Variants in FCRL2 observed in about 807,000 individuals in gnomAD.
FCRL2 encodes Fc receptor like 2, also known as Fc receptor-like protein 2.
In FCRL2, 48 loss-of-function variants were observed where a neutral mutation model predicts 59.8. The observed-to-expected ratio is 0.80, with a 90% CI of 0.64 to 1.02. The LOEUF (loss-of-function observed/expected upper bound fraction) is 1.02, where lower values mean the gene tolerates loss of function less well. Among genes scored for constraint, FCRL2 ranks in the 50% least tolerant of loss-of-function variants. FCRL2 has a pLI of 0.00. For synonymous variants in FCRL2, 251 were observed against 229.5 expected (o/e 1.09, Z -0.85); for missense variants, 658 against 597.3 (o/e 1.10, Z -1.06).
chr1:157,766,647 C>T (rs540975986), intron 7 of FCRL2: 4 of 655,612 alleles, frequency 6.1e-6, no homozygotes, highest in African/African-American at 5.5e-5. Context: ...TCTCCAGTGA[C>T]TATGCACAGG....
chr1:157,758,701 A>C (rs1648790133), intron 7 of FCRL2, among the ~76,000 whole-genome samples: 1 of 151,468 alleles, frequency 6.6e-6, no homozygotes. Context: ...AAAAAAAAAA[A>C]ACAAAGCTGG....
Position 157,777,108 on chromosome 1 carries a change from C to T in FCRL2, c.-35G>A, listed in dbSNP as rs1156289421. On this transcript the variant is annotated 5_prime_UTR_variant, in exon 1 of 12. Coordinates refer to ENST00000361516, the MANE Select transcript of FCRL2 (RefSeq NM_030764.4). ...ATCCAGCTATTTGAAAAGAGATGTA[C>T]TCTTGGTCACCAACTGGAGACTCTG... 6 of 1,614,140 alleles carry T rather than the reference C, an allele frequency of 3.7e-6. No homozygotes were observed. The East Asian group carries it at 1.3e-4, about 36-fold the overall frequency.
chr1:157,761,365 C>T (rs763781697), intron 7 of FCRL2, among the ~76,000 whole-genome samples: 1 of 152,214 alleles, frequency 6.6e-6, no homozygotes, highest in Admixed American at 6.5e-5. Context: ...CCTGTAATCT[C>T]ATCACTTTGG....
chr1:157,760,767 AAAAAAGAAAGGAAGGAAGGAAGGAG>A (rs1185639419), intron 7 of FCRL2, among the ~76,000 whole-genome samples: 1 of 146,530 alleles, frequency 6.8e-6, no homozygotes, highest in African/African-American at 2.7e-5. Flanking sequence ...AGAAAGAATG[AAAAAAGAAAGGAAGGAAGGAAGGAG>A]GGAAGGAAGG....
intron 2 of FCRL2, among the ~76,000 whole-genome samples, chr1:157,771,230 T>C (rs1450365153): frequency 1.3e-5 from 2 of 152,196 alleles, no homozygotes; most frequent in African/African-American, 4.8e-5. Context: ...TTAATGTTCA[T>C]GAAGGAGTGT....
intron 2 of FCRL2, among the ~76,000 whole-genome samples, chr1:157,775,267 G>A (rs757549652): frequency 6.6e-6 from 1 of 152,132 alleles, no homozygotes; most frequent in Non-Finnish European, 1.5e-5. Flanking sequence ...CACCTGAAAA[G>A]CTTAGCCTAT....
chr1:157,774,968 A>G (rs75876914), intron 2 of FCRL2, among the ~76,000 whole-genome samples: 2,200 of 152,214 alleles, frequency 0.014, 49 homozygotes, highest in African/African-American at 0.051. Flanking sequence ...AGAATAAAAT[A>G]TTTTTCCCAT....
At position 157,746,034 on chromosome 1, in the gene FCRL2, C is replaced by T. The variant is rs1273273079; in HGVS notation, c.*702G>A. 1 of 152,120 alleles carries T rather than the reference C, an allele frequency of 6.6e-6. No homozygotes were observed. The allele number at this position is 152,120 out of a possible 1,614,324, so 9.4% of individuals were successfully genotyped here. On this transcript the variant is annotated 3_prime_UTR_variant, in exon 12 of 12. Transcript: ENST00000361516. The stretch of plus-strand genomic sequence containing the variant: ...AACACACAATCTCCCAAGATTGAAC[C>T]AGGAAGAGACAGAAACCCCTCCTAG...
intron 10 of FCRL2, among the ~76,000 whole-genome samples, chr1:157,747,672 A>G (rs1326881621): frequency 4.6e-5 from 7 of 152,202 alleles, no homozygotes; most frequent in Admixed American, 4.6e-4. Flanking sequence ...AGAACAAAGG[A>G]CAGCTTTTAG....
In FCRL2 at chr1:157,757,468, C is replaced by T. The variant is rs116663924; in HGVS notation, c.1280-7791G>A. Among the ~76,000 whole-genome samples, 982 of 152,022 alleles carry T rather than the reference C, an allele frequency of 6.5e-3. 8 individuals carry two copies. Among genetic ancestry groups the T allele is most frequent in the African/African-American group, 0.022 (924 of 41,440 alleles). On this transcript the variant is annotated intron_variant, in intron 7 of 11. Transcript: ENST00000361516. The stretch of plus-strand genomic sequence containing the variant: ...AACCTGCACGTTCTGCACATATACC[C>T]CAGAACTTAAAGTATAATTAAAAAA...
chr1:157,758,656 C>T (rs1458532568), intron 7 of FCRL2, among the ~76,000 whole-genome samples: 5 of 130,026 alleles, frequency 3.8e-5, no homozygotes, highest in East Asian at 4.2e-4. Context: ...AAAAAAGAGC[C>T]CAAATAGCCA....
intron 5 of FCRL2, chr1:157,767,816 G>T: frequency 1.2e-6 from 1 of 841,106 alleles, no homozygotes; most frequent in Non-Finnish European, 1.7e-6. Context: ...TTTTTTATTA[G>T]GAAATAATTT....
intron 7 of FCRL2, among the ~76,000 whole-genome samples, chr1:157,754,450 A>T (rs571771990): frequency 1.4e-4 from 22 of 152,300 alleles, no homozygotes; most frequent in Non-Finnish European, 2.4e-4. Flanking sequence ...AACCATAAAA[A>T]TGGGCAACAA....
chr1:157,776,153 G>T (rs1282886586), intron 1 of FCRL2, among the ~76,000 whole-genome samples: 2 of 152,114 alleles, frequency 1.3e-5, no homozygotes, highest in Non-Finnish European at 2.9e-5. Flanking sequence ...ATCACAAAGG[G>T]CTCATCAGGA....
chr1:157,768,764 G>C, intron 4 of FCRL2, 63 bp from the exon 5 acceptor site: 1 of 1,458,068 alleles, frequency 6.9e-7, no homozygotes, highest in Non-Finnish European at 9.2e-7. Context: ...GGGTTTGACT[G>C]ATTCCATTCT....
At chr1:157,771,849 G>A (rs1650045245) in intron 2 of FCRL2, among the ~76,000 whole-genome samples, 1 of 152,048 alleles carries the variant, frequency 6.6e-6, no homozygotes, top group Non-Finnish European at 1.5e-5. Flanking sequence ...GTAGAAGGAA[G>A]CAGAAGTCAA....
chr1:157,757,437 G>A lies in FCRL2; in HGVS notation c.1280-7760C>T, dbSNP rs1211213927. 2.0e-5 allele frequency among the ~76,000 whole-genome samples: 3 copies of A among 152,086 alleles called. No homozygotes were observed. In the East Asian group the frequency reaches 5.8e-4, roughly 29 times the overall value. ...ACAACCATGGCACGTGTATAGGTAT[G>A]TAACAAACCTGCACGTTCTGCACAT... On this transcript the variant is annotated intron_variant, in intron 7 of 11. Transcript: ENST00000361516.
At chr1:157,767,019 C>A in intron 6 of FCRL2, 48 bp from the exon 7 acceptor site, 1 of 1,530,326 alleles carries the variant, frequency 6.5e-7, no homozygotes. Context: ...AAGACTTGGG[C>A]CCTTCTTATA....
intron 10 of FCRL2, among the ~76,000 whole-genome samples, chr1:157,748,025 T>TG (rs1647885008): frequency 6.6e-6 from 1 of 152,168 alleles, no homozygotes. Context: ...ACCCTATTTT[T>TG]TTTTTTAAGT....
Sources: allele counts gnomAD v4.1 joint callset (sites outside exome capture counted in the v4.1 genomes callset), GRCh38; gene constraint gnomAD v4.1.1; transcripts MANE v1.5; gene names NCBI Gene and HGNC (gene_info 2026-07-23, HGNC 2026-07-21).